Variants in THSD4 observed in about 807,000 individuals in gnomAD.
THSD4 encodes the protein thrombospondin type-1 domain-containing protein 4.
A neutral mutation model predicts 119.0 loss-of-function variants in THSD4; 69 were observed. The ratio of observed to expected loss-of-function variants is 0.58; its 90% confidence interval spans 0.48 to 0.71. THSD4 has a LOEUF of 0.71. Among genes scored for constraint, THSD4 ranks in the 30% least tolerant of loss-of-function variants. The pLI, the probability that THSD4 is intolerant of heterozygous loss-of-function variation, is 0.00. For synonymous variants in THSD4, 524 were observed against 540.4 expected (o/e 0.97, Z 0.42); for missense variants, 1,393 against 1,391.1 (o/e 1.00, Z -0.02).
intron 3 of THSD4, among the ~76,000 whole-genome samples, chr15:71,157,168 C>A (rs1252348639): frequency 6.6e-6 from 1 of 152,090 alleles, no homozygotes; most frequent in Non-Finnish European, 1.5e-5. Flanking sequence ...ATTTACTTTG[C>A]TGTCTCCTGT....
chr15:71,669,558 C>G (rs1016729396), intron 8 of THSD4, among the ~76,000 whole-genome samples: 2 of 151,874 alleles, frequency 1.3e-5, no homozygotes, highest in Non-Finnish European at 2.9e-5. Flanking sequence ...AAGGATTTTT[C>G]TTTCTATAAC....
At chr15:71,496,712 T>C (rs2048022914) in intron 7 of THSD4, among the ~76,000 whole-genome samples, 1 of 152,130 alleles carries the variant, frequency 6.6e-6, no homozygotes, top group Admixed American at 6.5e-5. Flanking sequence ...CCAGGCACAA[T>C]GATGCTTGGA....
intron 3 of THSD4, among the ~76,000 whole-genome samples, chr15:71,214,435 A>T (rs2043913359): frequency 6.6e-6 from 1 of 152,260 alleles, no homozygotes; most frequent in African/African-American, 2.4e-5. Context: ...TCATTCTTGA[A>T]GTCAGCAAGA....
intron 7 of THSD4, among the ~76,000 whole-genome samples, chr15:71,566,156 C>CT (rs58827489): frequency 0.15 from 21,444 of 141,682 alleles, 1,835 homozygotes; most frequent in Middle Eastern, 0.22. Flanking sequence ...TTCTTTTTTT[C>CT]TTTTTTTTTT....
At position 71,781,034 on chromosome 15, in the gene THSD4, A is replaced by G. The variant is rs933311151; in HGVS notation, c.*3660A>G. 3.4e-5 allele frequency: 11 copies of G among 325,284 alleles called. No homozygotes were observed. In the East Asian group the frequency reaches 6.8e-4, roughly 20 times the overall value. 20.1% of individuals were successfully genotyped at this position (325,284 alleles called of 1,614,324 possible). ...ACATAAATATAAGTGGTAAAAAGAAACATGACTTCCCTTAAAACAGGCTGG... is the reference window on the plus strand; with the variant it reads ...ACATAAATATAAGTGGTAAAAAGAAGCATGACTTCCCTTAAAACAGGCTGG... On this transcript the variant is annotated 3_prime_UTR_variant, in exon 18 of 18. Transcript: ENST00000261862.
rs141581481 is a variant in THSD4, at chr15:71,771,472, C to T, written c.2914+264C>T. ...AATGGTAATGCCTTCAAAGATTTGGCTCTATCGTCCTTAAGGTCAAAGTAG... is the reference window on the plus strand; with the variant it reads ...AATGGTAATGCCTTCAAAGATTTGGTTCTATCGTCCTTAAGGTCAAAGTAG... On this transcript the variant is annotated intron_variant, in intron 17 of 17. Coordinates refer to ENST00000261862, the MANE Select transcript of THSD4 (RefSeq NM_024817.3). Among the ~76,000 whole-genome samples, 575 of 152,224 alleles carry T rather than the reference C, an allele frequency of 3.8e-3. 4 individuals carry two copies. The highest frequency in any genetic ancestry group is 0.013 in the African/African-American group (546 of 41,514).
chr15:71,199,541 GTA>G (rs562942850), intron 3 of THSD4, among the ~76,000 whole-genome samples: 145 of 135,128 alleles, frequency 1.1e-3, no homozygotes, highest in South Asian at 8.0e-3. Flanking sequence ...TGTGGTGTGT[GTA>G]TGTGTGGTGT....
At chr15:71,459,288 A>G (rs1213180618) in intron 7 of THSD4, among the ~76,000 whole-genome samples, 1 of 149,394 alleles carries the variant, frequency 6.7e-6, no homozygotes, top group Non-Finnish European at 1.5e-5. Context: ...CCTCCTGAGT[A>G]GCTGGGACTA....
rs74442161 is a variant in THSD4 at position 71,748,320 on chromosome 15, G to T, written c.2242-101G>T. On this transcript the variant is annotated intron_variant, in intron 13 of 17. Transcript: ENST00000261862. The stretch of plus-strand genomic sequence containing the variant: ...TGGTGACATGCATGACAGAGCCTCA[G>T]TCTCATGGGGCTGATCACAAAGGCT... 0.011 allele frequency: 15,643 copies of T among 1,425,292 alleles called. 716 individuals are homozygous for T. In the African/African-American group the frequency reaches 0.12, roughly 11 times the overall value. The allele number at this position is 1,425,292 out of a possible 1,614,324, so 88.3% of individuals were successfully genotyped here.
intron 6 of THSD4, among the ~76,000 whole-genome samples, chr15:71,285,317 T>C (rs894140155): frequency 6.6e-6 from 1 of 152,156 alleles, no homozygotes; most frequent in Non-Finnish European, 1.5e-5. Context: ...ATTCCTTCAC[T>C]TGTGTCTGTT....
chr15:71,701,837 G>A (rs750187335), intron 8 of THSD4, among the ~76,000 whole-genome samples: 7 of 151,260 alleles, frequency 4.6e-5, no homozygotes, highest in Non-Finnish European at 8.9e-5. Context: ...GGGCCAAGCA[G>A]AAGAAGTGAG....
At chr15:71,680,012 C>T (rs1483249370) in intron 8 of THSD4, among the ~76,000 whole-genome samples, 1 of 152,170 alleles carries the variant, frequency 6.6e-6, no homozygotes, top group Non-Finnish European at 1.5e-5. Flanking sequence ...GAACGTAATA[C>T]ACACCACAGT....
intron 6 of THSD4, among the ~76,000 whole-genome samples, chr15:71,323,307 G>C (rs1237572306): frequency 6.6e-6 from 1 of 152,102 alleles, no homozygotes; most frequent in Non-Finnish European, 1.5e-5. Flanking sequence ...AAGGATTAAA[G>C]GTCATGAAGA....
At chr15:71,566,350 AT>A (rs992364938) in intron 7 of THSD4, among the ~76,000 whole-genome samples, 3 of 152,104 alleles carry the variant, frequency 2.0e-5, no homozygotes, top group Admixed American at 1.3e-4. Flanking sequence ...ATGTCCATGT[AT>A]TTCCTTAATT....
intron 11 of THSD4, among the ~76,000 whole-genome samples, chr15:71,740,368 C>G (rs2053211263): frequency 6.6e-6 from 1 of 152,048 alleles, no homozygotes; most frequent in Non-Finnish European, 1.5e-5. Flanking sequence ...AATATTCTAC[C>G]TTTAGGTAAT....
chr15:71,283,298 C>T (rs771265043), intron 6 of THSD4, among the ~76,000 whole-genome samples: 3 of 152,136 alleles, frequency 2.0e-5, no homozygotes, highest in Non-Finnish European at 4.4e-5. Context: ...CTGTTGTATA[C>T]AGTTGCTTGG....
intron 5 of THSD4, among the ~76,000 whole-genome samples, chr15:71,255,346 A>G (rs924731579): frequency 6.6e-6 from 1 of 152,128 alleles, no homozygotes; most frequent in Non-Finnish European, 1.5e-5. Context: ...TGATCTTGTT[A>G]TTTTCTGTCT....
intron 9 of THSD4, chr15:71,729,818 T>A (rs1595896551): frequency 6.6e-6 from 1 of 152,026 alleles, no homozygotes; most frequent in Non-Finnish European, 1.5e-5. Flanking sequence ...AGGGAGGATT[T>A]CCAGCCACAG....
Position 71,637,390 on chromosome 15 carries a change from A to G in THSD4, c.1153-23140A>G, listed in dbSNP as rs1323993887. On this transcript the variant is annotated intron_variant, in intron 7 of 17. Transcript: ENST00000261862. ...GCCCTGAAGCCCAGGGCTAGGAGAC[A>G]GCAAAGGAAAGAAAAAAAGGGAAAC... Among the ~76,000 whole-genome samples the G allele has an allele frequency of 2.0e-5, 3 of 152,190 alleles. No homozygotes were observed. The East Asian group carries it at 5.8e-4, about 29-fold the overall frequency.
Sources: gnomAD v4.1 joint callset for allele counts (sites outside exome capture counted in the v4.1 genomes callset) on GRCh38, gnomAD v4.1.1 for gene constraint, MANE v1.5 for transcripts, NCBI Gene and HGNC (gene_info 2026-07-23, HGNC 2026-07-21) for gene names.